The following CFAP47 variants were observed in gnomAD, a reference collection of about 807,000 sequenced individuals.
CFAP47 encodes cilia- and flagella-associated protein 47.
Under a neutral mutation model 148.1 loss-of-function variants are expected in CFAP47, and 29 were observed. That is an observed-to-expected ratio of 0.20 (90% CI 0.15 to 0.27). The LOEUF (loss-of-function observed/expected upper bound fraction) is 0.27. Among genes scored for constraint, CFAP47 ranks in the 10% least tolerant of loss-of-function variants. CFAP47 has a pLI of 1.00. For missense variants in CFAP47, 1,872 were observed against 1,697.5 expected (o/e 1.10, Z -1.81); for synonymous variants, 664 against 577.3 (o/e 1.15, Z -2.15).
At chrX:36,382,776 A>G (rs1191412387) in intron 63 of CFAP47, among the ~76,000 whole-genome samples, 12 of 111,326 alleles carry the variant, frequency 1.1e-4, no homozygotes, top group Non-Finnish European at 1.7e-4. Flanking sequence ...CTTTAAATAA[A>G]TAGTTGAGAA....
At chrX:36,094,205 T>G (rs941398234) in intron 30 of CFAP47, among the ~76,000 whole-genome samples, 2 of 110,542 alleles carry the variant, frequency 1.8e-5, no homozygotes, top group African/African-American at 6.6e-5. Flanking sequence ...TGATTTTGGT[T>G]TCTGTATTCT....
chrX:36,353,709 T>A (rs1556017929), intron 60 of CFAP47, 28 bp downstream of exon 60: 2 of 1,079,761 alleles, frequency 1.9e-6, no homozygotes, highest in Middle Eastern at 2.5e-4. Context: ...ATAGAAAAAA[T>A]AAAATGAAAA....
intron 53 of CFAP47, among the ~76,000 whole-genome samples, chrX:36,303,307 C>T (rs1556008151): frequency 9.0e-6 from 1 of 111,556 alleles, no homozygotes; most frequent in African/African-American, 3.3e-5. Flanking sequence ...CTGCCTCAGC[C>T]TCCCAAGTAT....
At chrX:35,976,879 A>G (rs1397321246) in intron 15 of CFAP47, among the ~76,000 whole-genome samples, 1 of 111,716 alleles carries the variant, frequency 9.0e-6, no homozygotes, top group Non-Finnish European at 1.9e-5. Context: ...TTTGTGAAGC[A>G]TCCTCTTAAC....
chrX:36,068,402 A>G (rs1011102432), intron 27 of CFAP47, among the ~76,000 whole-genome samples: 6 of 112,142 alleles, frequency 5.4e-5, no homozygotes, highest in African/African-American at 1.9e-4. Context: ...CCTTGTGTCC[A>G]TAGTGCCTCA....
chrX:36,365,470 T>C (rs1015628074), intron 61 of CFAP47, among the ~76,000 whole-genome samples: 3 of 110,968 alleles, frequency 2.7e-5, no homozygotes, highest in African/African-American at 9.8e-5. Context: ...AGTGAAGCTT[T>C]CTTTTCTGTT....
In CFAP47 at chrX:35,926,735, G is replaced by T. The variant is rs1305355053; in HGVS notation, c.401+567G>T. Among the ~76,000 whole-genome samples, 5 of 111,442 alleles carry T rather than the reference G, an allele frequency of 4.5e-5. No homozygotes were observed. The Admixed American group carries it at 4.8e-4, about 11-fold the overall frequency. ...ATCCTCCTTTTCCCCAGCAGAATGT[G>T]GTTTCCATAGGTGTTTTCTTTTGCC... On this transcript the variant is annotated intron_variant, in intron 2 of 63. Transcript: ENST00000378653.
rs1941762321 is a variant in CFAP47 at position 36,353,698 on chromosome X, T to C, written c.8851+17T>C. The C allele has an allele frequency of 6.4e-6, 7 of 1,101,871 alleles. No homozygotes were observed. The highest frequency in any genetic ancestry group is 8.4e-6 in the Non-Finnish European group (7 of 831,313). The allele number at this position is 1,101,871 out of a possible 1,213,427, so 90.8% of individuals were successfully genotyped here. A position where few individuals can be genotyped will look rare whatever the true frequency, so the allele number is the denominator to read the frequency against. ...ATCCCAATGGTAAGAGAACTACGGT[T>C]ATAGAAAAAATAAAATGAAAAAAGA... On this transcript the variant is annotated intron_variant, in intron 60 of 63. Coordinates refer to ENST00000378653, the MANE Select transcript of CFAP47 (RefSeq NM_001304548.2).
intron 49 of CFAP47, among the ~76,000 whole-genome samples, chrX:36,255,577 A>G (rs1453086989): frequency 2.7e-5 from 3 of 111,619 alleles, no homozygotes; most frequent in African/African-American, 6.5e-5. Context: ...AAGGCAATGC[A>G]TAAAGAGGGC....
chrX:36,225,438 A>G (rs782515837), intron 45 of CFAP47, among the ~76,000 whole-genome samples: 149 of 111,254 alleles, frequency 1.3e-3, no homozygotes, highest in Non-Finnish European at 2.2e-3. Context: ...TGCCCACATC[A>G]TTGTCTTCTT....
At chrX:36,071,697 CATAG>C (rs1853683863) in intron 27 of CFAP47, 124 bp from the exon 28 acceptor site, 1 of 504,502 alleles carries the variant, frequency 2.0e-6, no homozygotes, top group Non-Finnish European at 3.0e-6. Context: ...TTTACTTTGT[CATAG>C]ATAGATGGAT....
intron 48 of CFAP47, among the ~76,000 whole-genome samples, chrX:36,243,647 G>GTATATATATATATATA (rs58640112): frequency 3.1e-5 from 2 of 64,232 alleles, no homozygotes; most frequent in Non-Finnish European, 6.9e-5. Context: ...ATATGTGTGT[G>GTATATATATATATATA]TATATATATA....
intron 57 of CFAP47, among the ~76,000 whole-genome samples, chrX:36,347,439 G>C (rs10284122): frequency 0.33 from 36,385 of 110,799 alleles, 7,012 homozygotes; most frequent in African/African-American, 0.73. Context: ...GGGTATATAC[G>C]CAAAGGATTA....
chrX:35,990,838 A>T (rs1936780926), intron 16 of CFAP47, among the ~76,000 whole-genome samples: 1 of 111,453 alleles, frequency 9.0e-6, no homozygotes, highest in Admixed American at 9.6e-5. Flanking sequence ...CACTCCACAA[A>T]ATCTGGTAAC....
In CFAP47 at chrX:35,926,975, C is replaced by T. The variant is rs955835377; in HGVS notation, c.401+807C>T. 8.2e-4 allele frequency among the ~76,000 whole-genome samples: 89 copies of T among 108,336 alleles called. 4 individuals carry two copies. The highest frequency in any genetic ancestry group is 5.7e-5 in the Non-Finnish European group (3 of 52,364). The allele number at this position is 108,336 out of a possible 115,157, so 94.1% of individuals were successfully genotyped here. On this transcript the variant is annotated intron_variant, in intron 2 of 63. Coordinates refer to ENST00000378653, the MANE Select transcript of CFAP47 (RefSeq NM_001304548.2). The stretch of plus-strand genomic sequence containing the variant: ...GCCTGGGCAACATGGTGAAACCCCA[C>T]CTCTACAAAAAATACAAAAAAAAGA...
chrX:36,274,872 T>C lies in CFAP47; in HGVS notation c.7445-5615T>C, dbSNP rs187301759. Among the ~76,000 whole-genome samples, 217 of 111,770 alleles carry C rather than the reference T, an allele frequency of 1.9e-3. 1 individual carries two copies. The highest frequency in any genetic ancestry group is 6.5e-3 in the African/African-American group (199 of 30,797). Reference sequence around the variant, plus strand: ...CTAGAACACCCAGTACTATATTGGATAGAAGTGGAAAAAATACAGGCATCC... The same window carrying C: ...CTAGAACACCCAGTACTATATTGGACAGAAGTGGAAAAAATACAGGCATCC... On this transcript the variant is annotated intron_variant, in intron 49 of 63. Transcript: ENST00000378653.
At chrX:36,324,122 T>C (rs1325233688) in intron 57 of CFAP47, among the ~76,000 whole-genome samples, 1 of 111,541 alleles carries the variant, frequency 9.0e-6, no homozygotes, top group Non-Finnish European at 1.9e-5. Context: ...TTTAATTAGG[T>C]CAAATAACCA....
chrX:36,241,936 A>T (rs1163269592), intron 48 of CFAP47, among the ~76,000 whole-genome samples: 1 of 111,609 alleles, frequency 9.0e-6, no homozygotes, highest in African/African-American at 3.3e-5. Flanking sequence ...TGAGAGTGTC[A>T]TCTCTTCCCC....
At chrX:36,377,548 C>G (rs1205840520) in intron 62 of CFAP47, among the ~76,000 whole-genome samples, 1 of 111,711 alleles carries the variant, frequency 9.0e-6, no homozygotes, top group East Asian at 2.8e-4. Context: ...GGGTAGATTG[C>G]AAAATGTATG....
Sources: gnomAD v4.1 joint callset for allele counts (sites outside exome capture counted in the v4.1 genomes callset) on GRCh38, gnomAD v4.1.1 for gene constraint, MANE v1.5 for transcripts, NCBI Gene and HGNC (gene_info 2026-07-23, HGNC 2026-07-21) for gene names.